The following FRAS1 variants were observed in gnomAD, a reference collection of about 807,000 sequenced individuals.
The protein encoded by FRAS1 is extracellular matrix organizing protein FRAS1.
In FRAS1, 290 loss-of-function variants were observed where a neutral mutation model predicts 435.2. The ratio of observed to expected loss-of-function variants is 0.67; its 90% CI spans 0.61 to 0.73. The LOEUF is 0.73. FRAS1 is among the 30% of genes least tolerant of loss of function. The probability of loss-of-function intolerance (pLI) is 0.00; values close to 1 mark genes in which losing one functional copy is unlikely to be tolerated. For synonymous variants in FRAS1, 1,800 were observed against 1,851.0 expected (o/e 0.97, Z 0.71); for missense variants, 4,860 against 5,001.5 (o/e 0.97, Z 0.85).
At chr4:78,528,832 A>G (rs1334942761) in intron 70 of FRAS1, among the ~76,000 whole-genome samples, 2 of 152,192 alleles carry the variant, frequency 1.3e-5, no homozygotes, top group African/African-American at 4.8e-5. Context: ...AGAAACTGCC[A>G]AACTGTCTTC....
At chr4:78,426,430 T>C (rs1734000695) in intron 35 of FRAS1, among the ~76,000 whole-genome samples, 1 of 152,146 alleles carries the variant, frequency 6.6e-6, no homozygotes, top group Admixed American at 6.6e-5. Flanking sequence ...TTATTGATTT[T>C]AAAGAAGAAA....
intron 69 of FRAS1, among the ~76,000 whole-genome samples, chr4:78,523,896 T>A (rs888181466): frequency 6.6e-6 from 1 of 152,164 alleles, no homozygotes; most frequent in Non-Finnish European, 1.5e-5. Flanking sequence ...CAGCCTTTTA[T>A]CCACGTTAGT....
chr4:78,533,233 C>T (rs1198764206), intron 70 of FRAS1, among the ~76,000 whole-genome samples: 2 of 152,180 alleles, frequency 1.3e-5, no homozygotes, highest in Non-Finnish European at 2.9e-5. Flanking sequence ...TTCCTTAGAA[C>T]GTAACTTCCC....
intron 33 of FRAS1, among the ~76,000 whole-genome samples, chr4:78,419,753 C>T (rs1733697235): frequency 6.6e-6 from 1 of 152,086 alleles, no homozygotes; most frequent in African/African-American, 2.4e-5. Context: ...GTACAGGAAG[C>T]ATGGATGGGG....
chr4:78,542,323 A>ATAACAGAGCCTTCACATTGTGTAAT lies in FRAS1; in HGVS notation c.*1199_*1200insTAACAGAGCCTTCACATTGTGTAAT, dbSNP rs1722083565. ...CAAGGCCATGAACACATGGCTCTAA[A>ATAACAGAGCCTTCACATTGTGTAAT]ATAATTTAGTGTTCAAGTATCAGCT... On this transcript the variant is annotated 3_prime_UTR_variant, in exon 74 of 74. Transcript: ENST00000512123. 1 of 152,218 alleles carries ATAACAGAGCCTTCACATTGTGTAAT rather than the reference A, an allele frequency of 6.6e-6. No individual in the cohort carries two copies. Among genetic ancestry groups the ATAACAGAGCCTTCACATTGTGTAAT allele is most frequent in the African/African-American group, 2.4e-5 (1 of 41,462 alleles). 9.4% of individuals were successfully genotyped at this position (152,218 alleles called of 1,614,324 possible).
chr4:78,071,198 G>A (rs1012110322), intron 2 of FRAS1: 1 of 152,184 alleles, frequency 6.6e-6, no homozygotes, highest in African/African-American at 2.4e-5. Flanking sequence ...TCCAGGCTTT[G>A]GAGTTTGAAT....
intron 56 of FRAS1, among the ~76,000 whole-genome samples, chr4:78,480,939 G>C (rs1560751464): frequency 6.6e-6 from 1 of 152,236 alleles, no homozygotes; most frequent in African/African-American, 2.4e-5. Context: ...CTATGGAAGA[G>C]AGAACATTAT....
At chr4:78,537,748 G>A (rs11937000) in intron 72 of FRAS1, among the ~76,000 whole-genome samples, 23,401 of 151,914 alleles carry the variant, frequency 0.15, 2,002 homozygotes, top group Non-Finnish European at 0.21. Context: ...TTTGAGACAA[G>A]CCTGAGAAAC....
chr4:78,429,246 T>G lies in FRAS1; in HGVS notation c.4843+20T>G, dbSNP rs1006636669. ...CTGTAGGTAAGAACTGGGAGCCTGA[T>G]AGAAACATGGCTTTGGAAATGGGAT... On this transcript the variant is annotated intron_variant, in intron 36 of 73. Transcript: ENST00000512123. 1 of 1,598,748 alleles carries G rather than the reference T, an allele frequency of 6.3e-7. No individual in the cohort carries two copies. Among genetic ancestry groups the G allele is most frequent in the Non-Finnish European group, 8.5e-7 (1 of 1,171,784 alleles).
chr4:78,168,198 T>C (rs1466773334), intron 2 of FRAS1, among the ~76,000 whole-genome samples: 1 of 152,008 alleles, frequency 6.6e-6, no homozygotes, highest in African/African-American at 2.4e-5. Context: ...TGAGCAAATA[T>C]AGACTAATGC....
At chr4:78,068,991 G>A (rs873453) in intron 2 of FRAS1, among the ~76,000 whole-genome samples, 37,477 of 151,998 alleles carry the variant, frequency 0.25, 4,995 homozygotes, top group East Asian at 0.35. Context: ...TGAATTGAAG[G>A]GTTCAAGAAC....
At chr4:78,508,425 A>G (rs1720909005) in intron 62 of FRAS1, among the ~76,000 whole-genome samples, 1 of 152,212 alleles carries the variant, frequency 6.6e-6, no homozygotes, top group Non-Finnish European at 1.5e-5. Context: ...TTCATGATAC[A>G]GCTTTGGTTC....
chr4:78,424,512 A>G lies in FRAS1; in HGVS notation c.4711+92A>G, dbSNP rs900455218. The G allele has an allele frequency of 1.3e-5, 7 of 559,328 alleles. No homozygotes were observed. The Admixed American group carries it at 1.6e-4, about 13-fold the overall frequency. The allele number at this position is 559,328 out of a possible 1,614,324, so 34.6% of individuals were successfully genotyped here. ...GTTCCCATCATCATTATTTTTAGCT[A>G]TTTTCTAAGAACTACTTAAAAATTA... On this transcript the variant is annotated intron_variant, in intron 35 of 73. Transcript: ENST00000512123.
At chr4:78,376,057 C>T (rs749491087) in intron 26 of FRAS1, among the ~76,000 whole-genome samples, 178 bp downstream of exon 26, 1 of 152,128 alleles carries the variant, frequency 6.6e-6, no homozygotes, top group East Asian at 1.9e-4. Context: ...ATTGGGAAAT[C>T]GCAACTTCTG....
At chr4:78,340,751 G>T (rs982286461) in intron 20 of FRAS1, among the ~76,000 whole-genome samples, 1 of 152,126 alleles carries the variant, frequency 6.6e-6, no homozygotes, top group Admixed American at 6.5e-5. Flanking sequence ...TGGCTTACTC[G>T]GAGGCCACTC....
chr4:78,474,684 T>G (rs1362926250), intron 53 of FRAS1, among the ~76,000 whole-genome samples: 1 of 152,198 alleles, frequency 6.6e-6, no homozygotes, highest in African/African-American at 2.4e-5. Flanking sequence ...GACTGAGCTC[T>G]CAGAGTCACT....
At chr4:78,118,115 G>T (rs990198770) in intron 2 of FRAS1, among the ~76,000 whole-genome samples, 7 of 152,128 alleles carry the variant, frequency 4.6e-5, no homozygotes, top group Admixed American at 4.6e-4. Flanking sequence ...TCTTTGCCTG[G>T]GTATCAGCAG....
chr4:78,206,390 G>A (rs963012887), intron 2 of FRAS1, among the ~76,000 whole-genome samples: 1 of 152,126 alleles, frequency 6.6e-6, no homozygotes, highest in Non-Finnish European at 1.5e-5. Flanking sequence ...GAAAGAAGCT[G>A]CCCAGCTGAC....
intron 47 of FRAS1, among the ~76,000 whole-genome samples, chr4:78,457,774 A>G (rs1719250652): frequency 6.6e-6 from 1 of 152,062 alleles, no homozygotes; most frequent in Non-Finnish European, 1.5e-5. Context: ...CAAATTTTCC[A>G]CTTTCTACTT....
Sources: allele counts gnomAD v4.1 joint callset (sites outside exome capture counted in the v4.1 genomes callset), GRCh38; gene constraint gnomAD v4.1.1; transcripts MANE v1.5; gene names NCBI Gene and HGNC (gene_info 2026-07-23, HGNC 2026-07-21).